The following TNS1 variants were observed in gnomAD, a reference collection of about 807,000 sequenced individuals.
TNS1 encodes the protein tensin 1.
Under a neutral mutation model 168.6 loss-of-function variants are expected in TNS1, and 62 were observed. The observed-to-expected ratio is 0.37, with a 90% CI of 0.30 to 0.45. The LOEUF is 0.45. Ranked by LOEUF, TNS1 falls within the 20% of genes least tolerant of loss-of-function variation. The pLI is 1.00. For synonymous variants in TNS1, 934 were observed against 933.2 expected (o/e 1.00, Z -0.02); for missense variants, 2,240 against 2,339.4 (o/e 0.96, Z 0.88).
intron 3 of TNS1, among the ~76,000 whole-genome samples, chr2:217,964,641 C>G (rs1957578812): frequency 6.6e-6 from 1 of 152,178 alleles, no homozygotes; most frequent in Non-Finnish European, 1.5e-5. Flanking sequence ...GAATTCAAGC[C>G]AGTGTGAGTT....
intron 1 of TNS1, among the ~76,000 whole-genome samples, chr2:218,017,193 G>C (rs373701817): frequency 6.6e-5 from 10 of 152,304 alleles, no homozygotes; most frequent in African/African-American, 2.4e-4. Context: ...GGATCTCATG[G>C]AACTTGATTC....
intron 12 of TNS1, chr2:217,890,735 C>T: frequency 3.4e-6 from 2 of 589,878 alleles, no homozygotes; most frequent in Admixed American, 3.0e-5. Flanking sequence ...CTAGCACAGG[C>T]CTCAGAGTCA....
intron 3 of TNS1, among the ~76,000 whole-genome samples, chr2:217,937,479 C>G (rs1029233041): frequency 2.0e-5 from 3 of 152,146 alleles, no homozygotes; most frequent in African/African-American, 7.2e-5. Context: ...GCCAGCCCCC[C>G]TTCCTGGCTT....
intron 12 of TNS1, among the ~76,000 whole-genome samples, chr2:217,889,446 G>A (rs1253512500): frequency 6.6e-6 from 1 of 152,196 alleles, no homozygotes; most frequent in Non-Finnish European, 1.5e-5. Flanking sequence ...AGTGTGCTCA[G>A]GGGCTAAAAA....
upstream of TNS1, among the ~76,000 whole-genome samples, chr2:218,014,205 T>C (rs542499370): frequency 9.2e-5 from 14 of 152,258 alleles, no homozygotes; most frequent in Non-Finnish European, 1.8e-4. Context: ...CAGCTCTTGC[T>C]TTCACACCCA....
chr2:217,882,620 C>T (rs896061144), intron 16 of TNS1, among the ~76,000 whole-genome samples: 1 of 152,080 alleles, frequency 6.6e-6, no homozygotes, highest in African/African-American at 2.4e-5. Context: ...GTCCTACTTG[C>T]CTGAGGTAAT....
At chr2:218,018,721 T>A (rs1461315535) in intron 1 of TNS1, among the ~76,000 whole-genome samples, 1 of 152,106 alleles carries the variant, frequency 6.6e-6, no homozygotes, top group East Asian at 1.9e-4. Context: ...GGGACTTGGA[T>A]AGAAAGGGGA....
intron 19 of TNS1, chr2:217,841,220 G>A (rs1419964450): frequency 1.0e-6 from 1 of 984,932 alleles, no homozygotes; most frequent in Non-Finnish European, 1.2e-6. Context: ...GAAGATTGGA[G>A]CCGGTGGAGA....
chr2:217,979,572 A>G (rs573228954), intron 2 of TNS1, among the ~76,000 whole-genome samples: 1 of 151,216 alleles, frequency 6.6e-6, no homozygotes, highest in Non-Finnish European at 1.5e-5. Flanking sequence ...TCTTCCTCCC[A>G]TTACCAGAAG....
At chr2:217,836,483 G>T (rs983258274) in intron 19 of TNS1, among the ~76,000 whole-genome samples, 9 of 152,136 alleles carry the variant, frequency 5.9e-5, no homozygotes, top group Non-Finnish European at 1.2e-4. Context: ...ACAAAGGACT[G>T]ATACAAGAAA....
chr2:217,858,549 C>A (rs1251050502), intron 18 of TNS1: 8 of 986,242 alleles, frequency 8.1e-6, no homozygotes, highest in African/African-American at 1.7e-5. Flanking sequence ...CTGATTTGAT[C>A]CTGGTGCCCC....
intron 3 of TNS1, among the ~76,000 whole-genome samples, chr2:217,925,589 T>G (rs538082226): frequency 7.7e-4 from 118 of 152,344 alleles, no homozygotes; most frequent in Non-Finnish European, 1.3e-3. Context: ...TAAGACTGAG[T>G]GGAAAAGGGG....
chr2:218,020,147 G>A (rs982519673), intron 1 of TNS1, among the ~76,000 whole-genome samples: 2 of 152,148 alleles, frequency 1.3e-5, no homozygotes, highest in African/African-American at 2.4e-5. Context: ...AAAAAGGAGC[G>A]GAAAGAGCAA....
rs143523583 is a variant in TNS1, at chr2:217,836,044, C to G, written c.3175G>C (p.Ala1059Pro). ...TTGGGCCGCCCTCCAGGATTGAGAG[C>G]GATGGTAAGAGCCAGCTCCGGGGAG... is the stretch of plus-strand genomic sequence containing the variant. ...CVSPELALTIALNPGGRPKEP... is the reference protein window; with the variant it reads ...CVSPELALTIPLNPGGRPKEP... The change falls in exon 20 of 33, where the codon GCT (alanine) becomes CCT (proline). Residue 1059 changes from alanine (A) to proline (P), a missense_variant. Physicochemically the swap from Ala to Pro is conservative, Grantham distance 27 (BLOSUM62 -1). This residue lies in a region of TNS1 where 2,131 missense variants were observed against 2,171.2 expected (regional missense o/e 0.98). Transcript: ENST00000682258. 6.2e-7 allele frequency: 1 copy of G among 1,613,744 alleles called. No individual in the cohort carries two copies. Among genetic ancestry groups the G allele is most frequent in the Non-Finnish European group, 8.5e-7 (1 of 1,179,848 alleles).
chr2:217,952,095 C>T (rs1289777236), intron 3 of TNS1, among the ~76,000 whole-genome samples: 1 of 152,216 alleles, frequency 6.6e-6, no homozygotes, highest in African/African-American at 2.4e-5. Flanking sequence ...AAACACACAA[C>T]ACAAATCGTG....
At chr2:217,970,431 C>T (rs1957748950) in intron 3 of TNS1, among the ~76,000 whole-genome samples, 1 of 152,126 alleles carries the variant, frequency 6.6e-6, no homozygotes, top group Non-Finnish European at 1.5e-5. Context: ...CAGATGTCCA[C>T]ACAAAAACTT....
At chr2:218,010,167 C>G (rs1470395927) in exon 1 of TNS1, 4 of 399,030 alleles carry the variant, frequency 1.0e-5, no homozygotes, top group Non-Finnish European at 1.8e-5. Context: ...TCGGATCACG[C>G]AGGAGAAGCA....
At chr2:217,911,057 G>C (rs747892088) in intron 4 of TNS1, among the ~76,000 whole-genome samples, 1 of 152,140 alleles carries the variant, frequency 6.6e-6, no homozygotes, top group Non-Finnish European at 1.5e-5. Flanking sequence ...AGCTGCAAAG[G>C]GATGAAGTGG....
chr2:218,013,531 C>T (rs1173847326), upstream of TNS1, among the ~76,000 whole-genome samples: 2 of 152,298 alleles, frequency 1.3e-5, no homozygotes, highest in East Asian at 3.9e-4. Flanking sequence ...TGGCCCCCAG[C>T]TCCTCGCATC....
Sources: allele counts gnomAD v4.1 joint callset (sites outside exome capture counted in the v4.1 genomes callset), GRCh38; gene constraint gnomAD v4.1.1; regional missense constraint gnomAD v4.1.1; transcripts MANE v1.5; gene names NCBI Gene and HGNC (gene_info 2026-07-23, HGNC 2026-07-21).